DYNC2H1: variants seen among roughly 807,000 people sequenced by gnomAD.
DYNC2H1 encodes the protein cytoplasmic dynein 2 heavy chain 1.
Under a neutral mutation model 570.0 loss-of-function variants are expected in DYNC2H1, and 410 were observed. The ratio of observed to expected loss-of-function variants is 0.72; its 90% CI spans 0.66 to 0.78. The LOEUF (loss-of-function observed/expected upper bound fraction) is 0.78. Ranked by LOEUF, DYNC2H1 falls within the 30% of genes least tolerant of loss-of-function variation. DYNC2H1 has a pLI of 0.00. For synonymous variants in DYNC2H1, 1,688 were observed against 1,677.6 expected (o/e 1.01, Z -0.15); for missense variants, 4,865 against 5,046.4 (o/e 0.96, Z 1.09).
In DYNC2H1 at chr11:103,200,079, G is replaced by A. The variant is rs1321625705; in HGVS notation, c.8122G>A (p.Val2708Ile). Residue 2708 changes from valine to isoleucine, a missense_variant, in exon 50 of 89, where the codon GTA becomes ATA. Val to Ile is a conservative substitution (Grantham distance 29). This residue lies in a region of DYNC2H1 where 2,401 missense variants were observed against 2,454.6 expected (regional missense o/e 0.98). Coordinates refer to ENST00000375735, the MANE Select transcript of DYNC2H1 (RefSeq NM_001377.3). ...LQLAGIEAQQ[V>I]VLLLEDYQFV... The stretch of plus-strand genomic sequence containing the variant: ...ACTTGCAGGAATTGAAGCACAACAG[G>A]TAGTTTTACTTCTTGAGGATTACCA... 6.3e-7 allele frequency: 1 copy of A among 1,589,668 alleles called. No homozygotes were observed. The highest frequency in any genetic ancestry group is 1.1e-5 in the South Asian group (1 of 86,972).
chr11:103,334,614 A>T lies in DYNC2H1; in HGVS notation c.12039+10624A>T, dbSNP rs192353780. Among the ~76,000 whole-genome samples, 256 of 152,246 alleles carry T rather than the reference A, an allele frequency of 1.7e-3. 1 individual carries two copies. The highest frequency in any genetic ancestry group is 6.0e-3 in the African/African-American group (251 of 41,564). The stretch of plus-strand genomic sequence containing the variant: ...CTAATATGTAACATCAATATAAATA[A>T]CATATAAATACGTGTCTTAAATTTG... On this transcript the variant is annotated intron_variant, in intron 82 of 88. Coordinates refer to ENST00000375735, the MANE Select transcript of DYNC2H1 (RefSeq NM_001377.3). This position sits in a 1 kb window ranked among gnomAD's most constrained non-coding sequence, Gnocchi z 4.3.
intron 82 of DYNC2H1, among the ~76,000 whole-genome samples, chr11:103,332,650 C>A (rs1019267777): frequency 2.0e-5 from 3 of 152,086 alleles, no homozygotes; most frequent in Non-Finnish European, 4.4e-5. Flanking sequence ...TAAAGTGCCA[C>A]ATGAAAAAAC....
chr11:103,174,727 C>T (rs1005926864), intron 36 of DYNC2H1, among the ~76,000 whole-genome samples: 1 of 152,070 alleles, frequency 6.6e-6, no homozygotes, highest in Admixed American at 6.6e-5. Flanking sequence ...GTCTTTCTTA[C>T]TGCGTCATAT....
At chr11:103,218,560 T>C (rs1026748896) in intron 55 of DYNC2H1, among the ~76,000 whole-genome samples, 2 of 152,174 alleles carry the variant, frequency 1.3e-5, no homozygotes, top group Non-Finnish European at 2.9e-5. Flanking sequence ...TATCAAAAAG[T>C]AAACACTATG....
rs549800163 is a variant in DYNC2H1, at chr11:103,280,942, G to A, written c.10761+529G>A. Among the ~76,000 whole-genome samples, 1 of 151,962 alleles carries A rather than the reference G, an allele frequency of 6.6e-6. No individual in the cohort carries two copies. The highest frequency in any genetic ancestry group is 2.1e-4 in the South Asian group (1 of 4,812). On this transcript the variant is annotated intron_variant, in intron 71 of 88. Transcript: ENST00000375735. This position sits in a 1 kb window ranked among gnomAD's most constrained non-coding sequence, Gnocchi z 4.7. ...TGTAACCCCTTCTCAAACTTTAAAA[G>A]GACCTCCCTTGAGCTGGAGCTAACG...
chr11:103,132,226 T>C (rs1859316253), intron 13 of DYNC2H1, among the ~76,000 whole-genome samples: 1 of 152,094 alleles, frequency 6.6e-6, no homozygotes, highest in Non-Finnish European at 1.5e-5. Context: ...TCTCTTGATT[T>C]TTTCTCAAAT....
intron 54 of DYNC2H1, among the ~76,000 whole-genome samples, chr11:103,213,494 A>C (rs1863240143): frequency 1.3e-5 from 2 of 151,958 alleles, no homozygotes; most frequent in Admixed American, 1.3e-4. Context: ...AAAATGTTAT[A>C]TATAATGATA....
chr11:103,344,422 G>T (rs949354978), intron 82 of DYNC2H1, among the ~76,000 whole-genome samples: 4 of 152,304 alleles, frequency 2.6e-5, no homozygotes, highest in Non-Finnish European at 4.4e-5. Flanking sequence ...CAGGCCTTCT[G>T]CTCCCTCATT....
intron 84 of DYNC2H1, chr11:103,404,617 T>TCCAC (rs1942783120): frequency 6.7e-6 from 1 of 149,756 alleles, no homozygotes; most frequent in Non-Finnish European, 1.5e-5. Flanking sequence ...GTGAAGTGGA[T>TCCAC]TTTAGCCTAT....
intron 65 of DYNC2H1, among the ~76,000 whole-genome samples, chr11:103,246,944 G>C (rs535750920): frequency 1.3e-5 from 2 of 151,344 alleles, no homozygotes; most frequent in East Asian, 3.9e-4. Context: ...CTTATTTATT[G>C]ATCGTAGAAA....
Position 103,189,490 on chromosome 11 carries a change from A to G in DYNC2H1, c.7293-182A>G, listed in dbSNP as rs528330539. Among the ~76,000 whole-genome samples, 1 of 152,194 alleles carries G rather than the reference A, an allele frequency of 6.6e-6. No homozygotes were observed. The highest frequency in any genetic ancestry group is 1.5e-5 in the Non-Finnish European group (1 of 67,986). On this transcript the variant is annotated intron_variant, in intron 44 of 88. Transcript: ENST00000375735. The surrounding 1 kb of genome is among the most constrained non-coding windows in gnomAD (Gnocchi z 4.3). ...TTGACAATAGATATTTCGGGATCGA[A>G]TTTGGTTGAAATGAGAATGGATCGG... is the stretch of plus-strand genomic sequence containing the variant.
At chr11:103,303,583 A>G (rs567020402) in intron 76 of DYNC2H1, among the ~76,000 whole-genome samples, 3 of 152,210 alleles carry the variant, frequency 2.0e-5, no homozygotes, top group South Asian at 4.1e-4. Flanking sequence ...GAGAAGTGAG[A>G]AGGTGCTGTG....
intron 21 of DYNC2H1, 121 bp downstream of exon 21, chr11:103,152,406 C>A: frequency 1.2e-6 from 1 of 859,572 alleles, no homozygotes; most frequent in Non-Finnish European, 1.7e-6. Context: ...TTGAAATTGA[C>A]CTCCCTGACT....
intron 85 of DYNC2H1, among the ~76,000 whole-genome samples, chr11:103,451,765 T>A (rs2135795853): frequency 6.6e-6 from 1 of 152,324 alleles, no homozygotes; most frequent in East Asian, 1.9e-4. Context: ...TTTCTCCTGC[T>A]ATTCTGTTGG....
chr11:103,296,971 G>A (rs1242899383), intron 75 of DYNC2H1, among the ~76,000 whole-genome samples: 1 of 151,778 alleles, frequency 6.6e-6, no homozygotes, highest in African/African-American at 2.4e-5. Flanking sequence ...TTGTCTGCAT[G>A]TCTTCTAAGT....
intron 61 of DYNC2H1, among the ~76,000 whole-genome samples, 152 bp downstream of exon 61, chr11:103,234,312 A>G (rs888444407): frequency 3.9e-5 from 6 of 151,910 alleles, no homozygotes; most frequent in African/African-American, 4.8e-5. Flanking sequence ...TATGTGAATT[A>G]CTCTTTAAAC....
intron 78 of DYNC2H1, among the ~76,000 whole-genome samples, chr11:103,310,359 C>G (rs1867518691): frequency 6.6e-6 from 1 of 152,006 alleles, no homozygotes; most frequent in Non-Finnish European, 1.5e-5. Flanking sequence ...GAATTTGCAG[C>G]TTAATATGTC....
chr11:103,163,393 C>T lies in DYNC2H1; in HGVS notation c.4611+246C>T, dbSNP rs1326595979. ...GAGGGAATCAGGCATCTAATAGCTT[C>T]CTGGTTCCAGATGATTAGTTCATCA... On this transcript the variant is annotated intron_variant, in intron 30 of 88. Transcript: ENST00000375735. This position sits in a 1 kb window ranked among gnomAD's most constrained non-coding sequence, Gnocchi z 4.6. Among the ~76,000 whole-genome samples the T allele has an allele frequency of 6.6e-6, 1 of 152,104 alleles. No individual in the cohort carries two copies. Among genetic ancestry groups the T allele is most frequent in the African/African-American group, 2.4e-5 (1 of 41,404 alleles).
intron 84 of DYNC2H1, among the ~76,000 whole-genome samples, chr11:103,426,496 A>G (rs1186565336): frequency 6.6e-6 from 1 of 152,226 alleles, no homozygotes; most frequent in African/African-American, 2.4e-5. Context: ...TTGAGAGTGA[A>G]AATATTGTCA....
Sources: allele counts gnomAD v4.1 joint callset (sites outside exome capture counted in the v4.1 genomes callset), GRCh38; gene constraint gnomAD v4.1.1; regional missense constraint gnomAD v4.1.1; non-coding constraint Gnocchi (gnomAD v3.1); transcripts MANE v1.5; gene names NCBI Gene and HGNC (gene_info 2026-07-23, HGNC 2026-07-21).